The following PDE4D variants were observed in gnomAD, a reference collection of about 807,000 sequenced individuals.
PDE4D encodes the protein phosphodiesterase 4D, also known as 3',5'-cyclic-AMP phosphodiesterase 4D.
Under a neutral mutation model 87.4 loss-of-function variants are expected in PDE4D, and 24 were observed. That is an observed-to-expected ratio of 0.27 (90% CI 0.20 to 0.39). The LOEUF (loss-of-function observed/expected upper bound fraction) is 0.39. Ranked by LOEUF, PDE4D falls within the 10% of genes least tolerant of loss-of-function variation. The pLI is 1.00. For synonymous variants in PDE4D, 384 were observed against 383.2 expected (o/e 1.00, Z -0.02); for missense variants, 714 against 1,041.0 (o/e 0.69, Z 4.32).
chr5:58,969,625 T>G lies in PDE4D; in HGVS notation c.*5039A>C, dbSNP rs1742254889. On this transcript the variant is annotated 3_prime_UTR_variant, in exon 15 of 15. Coordinates refer to ENST00000340635, the MANE Select transcript of PDE4D (RefSeq NM_001104631.2). ...ACCCCACTGAGCTCCTTCATTGTAC[T>G]GATCACATATATAATTATATGAGTA... The G allele has an allele frequency of 6.6e-6, 1 of 152,192 alleles. No homozygotes were observed. Among genetic ancestry groups the G allele is most frequent in the African/African-American group, 2.4e-5 (1 of 41,448 alleles). The allele number at this position is 152,192 out of a possible 1,614,324, so 9.4% of individuals were successfully genotyped here. A position where few individuals can be genotyped will look rare whatever the true frequency, so the allele number is the denominator to read the frequency against.
chr5:59,500,739 A>G (rs1431389928), intron 1 of PDE4D, among the ~76,000 whole-genome samples: 1 of 152,102 alleles, frequency 6.6e-6, no homozygotes, highest in East Asian at 1.9e-4. Flanking sequence ...CTGCACGTGT[A>G]CTCCCTGAAT....
At chr5:60,071,973 G>A (rs1476270047) in intron 2 of PDE4D, among the ~76,000 whole-genome samples, 1 of 152,028 alleles carries the variant, frequency 6.6e-6, no homozygotes, top group Non-Finnish European at 1.5e-5. Flanking sequence ...TAGTACTGCA[G>A]TGAACATATG....
chr5:59,811,418 G>A (rs1245651764), intron 1 of PDE4D, among the ~76,000 whole-genome samples: 2 of 152,180 alleles, frequency 1.3e-5, no homozygotes, highest in Admixed American at 6.5e-5. Context: ...CTTTAGCTGT[G>A]TCCTCAGTCG....
intron 1 of PDE4D, chr5:59,558,483 T>C (rs1819366066): frequency 6.6e-6 from 1 of 152,184 alleles, no homozygotes; most frequent in Admixed American, 6.5e-5. Context: ...GTATTTTCTA[T>C]ATATAAGACT....
intron 2 of PDE4D, among the ~76,000 whole-genome samples, chr5:60,144,252 C>T (rs551338927): frequency 2.6e-5 from 4 of 152,336 alleles, no homozygotes; most frequent in African/African-American, 7.2e-5. Context: ...ATGATCTGCT[C>T]ATTCCCAGAT....
At chr5:59,430,264 C>T in intron 1 of PDE4D, 1 of 1,230,790 alleles carries the variant, frequency 8.1e-7, no homozygotes, top group Non-Finnish European at 1.0e-6. Context: ...TTTTCACTGA[C>T]AAACAACTAG....
chr5:60,272,662 G>C (rs1750934256), intron 1 of PDE4D, among the ~76,000 whole-genome samples: 1 of 152,066 alleles, frequency 6.6e-6, no homozygotes. Context: ...CTCAGAACGT[G>C]GAATTGTATC....
chr5:60,046,056 A>G (rs1279589602), intron 2 of PDE4D, among the ~76,000 whole-genome samples: 1 of 152,136 alleles, frequency 6.6e-6, no homozygotes, highest in Non-Finnish European at 1.5e-5. Flanking sequence ...AGTGGTTTGT[A>G]GTTCTCCTTG....
At chr5:59,986,388 T>A in intron 3 of PDE4D, 1 of 152,272 alleles carries the variant, frequency 6.6e-6, no homozygotes, top group Middle Eastern at 3.4e-3. Flanking sequence ...TCCAACTACA[T>A]AGAGATATAT....
chr5:59,944,594 A>C (rs1414302430), intron 3 of PDE4D, among the ~76,000 whole-genome samples: 1 of 151,720 alleles, frequency 6.6e-6, no homozygotes, highest in Non-Finnish European at 1.5e-5. Context: ...AATGGTCTCG[A>C]TCTCCTGACC....
intron 12 of PDE4D, 31 bp from the exon 13 acceptor site, chr5:58,976,503 GAGAAA>G: frequency 6.8e-7 from 1 of 1,473,234 alleles, no homozygotes; most frequent in Non-Finnish European, 9.2e-7. Context: ...ATTAAGTTCA[GAGAAA>G]ACAGAATTTA....
At chr5:59,061,767 G>A (rs900344938) in intron 5 of PDE4D, among the ~76,000 whole-genome samples, 5 of 152,132 alleles carry the variant, frequency 3.3e-5, no homozygotes, top group African/African-American at 1.2e-4. Context: ...AAAAAAAATT[G>A]CAACTGTCAG....
chr5:59,445,801 GA>G (rs1798258307), intron 1 of PDE4D, among the ~76,000 whole-genome samples: 2 of 152,082 alleles, frequency 1.3e-5, no homozygotes, highest in African/African-American at 4.8e-5. Context: ...ATTCACTTTT[GA>G]AAAATATATT....
chr5:59,896,183 C>A (rs147450519), upstream of PDE4D, among the ~76,000 whole-genome samples: 1 of 152,112 alleles, frequency 6.6e-6, no homozygotes, highest in South Asian at 2.1e-4. Context: ...CTAATATTAC[C>A]TACTTCACAG....
intron 2 of PDE4D, among the ~76,000 whole-genome samples, chr5:60,165,360 GTCTA>G (rs141274224): frequency 0.036 from 5,419 of 152,106 alleles, 312 homozygotes; most frequent in African/African-American, 0.12. Context: ...TGTTCCATTG[GTCTA>G]TCTGTTTGTT....
intron 5 of PDE4D, among the ~76,000 whole-genome samples, chr5:59,144,209 G>A (rs745476009): frequency 1.3e-5 from 2 of 152,238 alleles, no homozygotes; most frequent in African/African-American, 2.4e-5. Context: ...AAAGCCAAAC[G>A]TGCTGTGGGT....
intron 1 of PDE4D, among the ~76,000 whole-genome samples, chr5:60,260,279 C>A (rs1749516049): frequency 6.6e-6 from 1 of 151,940 alleles, no homozygotes; most frequent in Non-Finnish European, 1.5e-5. Context: ...AATTACCCGC[C>A]CAAAGTCATA....
chr5:59,653,727 C>A (rs1158390730), intron 1 of PDE4D, among the ~76,000 whole-genome samples: 3 of 151,718 alleles, frequency 2.0e-5, no homozygotes, highest in African/African-American at 4.9e-5. Context: ...GAAATTGGAA[C>A]AATTACTTCA....
At chr5:60,421,544 A>G (rs1743099608) in intron 1 of PDE4D, among the ~76,000 whole-genome samples, 1 of 152,254 alleles carries the variant, frequency 6.6e-6, no homozygotes, top group South Asian at 2.1e-4. Flanking sequence ...GTAGGTCACC[A>G]ACATGAAAGA....
Sources: gnomAD v4.1 joint callset for allele counts (sites outside exome capture counted in the v4.1 genomes callset) on GRCh38, gnomAD v4.1.1 for gene constraint, MANE v1.5 for transcripts, NCBI Gene and HGNC (gene_info 2026-07-23, HGNC 2026-07-21) for gene names.